Variants in OR1D2 observed in about 807,000 individuals in gnomAD.
OR1D2 encodes olfactory receptor family 1 subfamily D member 2, also known as olfactory receptor 1D2.
For synonymous variants in OR1D2, 157 were observed against 153.9 expected, an observed-to-expected ratio of 1.02 and a Z score of -0.15; for missense variants, 357 against 376.1, an observed-to-expected ratio of 0.95 and a Z score of 0.42.
intron 1 of OR1D2, among the ~76,000 whole-genome samples, chr17:3,094,318 G>C (rs1198230867): frequency 6.6e-6 from 1 of 152,040 alleles, no homozygotes; most frequent in Non-Finnish European, 1.5e-5. Flanking sequence ...AAATACTATA[G>C]TGTGCCTTTT....
In OR1D2 at chr17:3,093,579, G is replaced by A. The variant is rs1031931301; in HGVS notation, c.-50-533C>T. Among the ~76,000 whole-genome samples the A allele has an allele frequency of 1.2e-4, 19 of 152,102 alleles. 1 individual carries two copies. The highest frequency in any genetic ancestry group is 2.4e-5 in the African/African-American group (1 of 41,418). On this transcript the variant is annotated intron_variant, in intron 1 of 1. Coordinates refer to ENST00000641833, the MANE Select transcript of OR1D2 (RefSeq NM_002548.3). ...TCCTTAAGACTCAGTTTCTTCATGC[G>A]AATCATGAGTTATAGGGTGGGGGAA...
At position 3,092,664 on chromosome 17, in the gene OR1D2, G is replaced by A. The variant is rs1325605035; in HGVS notation, c.333C>T (p.Asp111=). ...ATGCCATCACAGCCAGGATGAGGTT[G>A]TCCAGGGCCACCAAGGAGACCAGGA... ...LYFLVSLVAL[D]NLILAVMAYD... is the part of the protein sequence containing the mutation. The change falls in exon 2 of 2, where the codon GAC becomes GAT. Residue 111 remains aspartate, a synonymous_variant. Transcript: ENST00000641833. 2 of 1,614,022 alleles carry A rather than the reference G, an allele frequency of 1.2e-6. No homozygotes were observed. The highest frequency in any genetic ancestry group is 1.3e-5 in the African/African-American group (1 of 74,900).
intron 1 of OR1D2, among the ~76,000 whole-genome samples, chr17:3,100,214 C>A (rs990487083): frequency 6.6e-6 from 1 of 152,130 alleles, no homozygotes; most frequent in Middle Eastern, 3.2e-3. Flanking sequence ...CTCTCCACCC[C>A]CAATCAACAA....
intron 1 of OR1D2, among the ~76,000 whole-genome samples, chr17:3,101,290 C>T (rs149296513): frequency 3.2e-4 from 48 of 152,154 alleles, no homozygotes; most frequent in African/African-American, 1.0e-3. Context: ...ACTGTCAAAC[C>T]GAATCCAATA....
At position 3,092,867 on chromosome 17, in the gene OR1D2, G is replaced by T; in HGVS notation, c.130C>A (p.Leu44Ile). The T allele has an allele frequency of 6.2e-7, 1 of 1,614,018 alleles. No individual in the cohort carries two copies. Among genetic ancestry groups the T allele is most frequent in the Non-Finnish European group, 8.5e-7 (1 of 1,180,018 alleles). The part of the protein sequence containing the change: ...MYLVTVVGNV[L>I]IILAISSDSR... Reference sequence around the variant, plus strand: ...TCAGAGCTGATGGCCAGGATGATGAGCACATTTCCCACCACCGTGACCAGG... The same window carrying T: ...TCAGAGCTGATGGCCAGGATGATGATCACATTTCCCACCACCGTGACCAGG... Residue 44 changes from leucine to isoleucine, a missense_variant, in exon 2 of 2, where the codon CTC (leucine) becomes ATC (isoleucine). Physicochemically the swap from Leu to Ile is conservative, Grantham distance 5 (BLOSUM62 2). Transcript: ENST00000641833.
Position 3,104,247 on chromosome 17 carries a change from A to G in OR1D2, c.-199T>C, listed in dbSNP as rs887016379. 1 of 152,196 alleles carries G rather than the reference A, an allele frequency of 6.6e-6. No homozygotes were observed. The highest frequency in any genetic ancestry group is 2.1e-4 in the South Asian group (1 of 4,830). 9.4% of individuals were successfully genotyped at this position (152,196 alleles called of 1,614,324 possible). On this transcript the variant is annotated 5_prime_UTR_variant, in exon 1 of 2. Coordinates refer to ENST00000641833, the MANE Select transcript of OR1D2 (RefSeq NM_002548.3). ...CTTGGAGACTCATCCTATTGGCTAA[A>G]GGTACAGAGCAGAGAACTTGTTGCC... is the stretch of plus-strand genomic sequence containing the variant.
chr17:3,094,372 A>C (rs143123361), intron 1 of OR1D2, among the ~76,000 whole-genome samples: 29 of 152,268 alleles, frequency 1.9e-4, no homozygotes, highest in Non-Finnish European at 3.5e-4. Flanking sequence ...ATGTTTAAAA[A>C]ATCAAAAAAG....
chr17:3,093,112 A>C, intron 1 of OR1D2, 66 bp from the exon 2 acceptor site: 1 of 936,864 alleles, frequency 1.1e-6, no homozygotes, highest in South Asian at 1.7e-5. Context: ...AATGTCTTAC[A>C]CCCAATTTTA....
At chr17:3,096,238 A>G (rs996651253) in intron 1 of OR1D2, among the ~76,000 whole-genome samples, 1 of 152,228 alleles carries the variant, frequency 6.6e-6, no homozygotes, top group African/African-American at 2.4e-5. Flanking sequence ...AACTATATCA[A>G]TCATAACATT....
In OR1D2 at chr17:3,092,025, T is replaced by C; in HGVS notation, c.*33A>G. ...TACATAGGGTGAAGGATATTCCTAG[T>C]CTCCACTTTAATGCTGTCTTTCCAA... On this transcript the variant is annotated 3_prime_UTR_variant, in exon 2 of 2. Transcript: ENST00000641833. 6.7e-7 allele frequency: 1 copy of C among 1,489,688 alleles called. No individual in the cohort carries two copies. Among genetic ancestry groups the C allele is most frequent in the Non-Finnish European group, 9.2e-7 (1 of 1,084,104 alleles). 92.3% of individuals were successfully genotyped at this position (1,489,688 alleles called of 1,614,324 possible).
At position 3,092,762 on chromosome 17, in the gene OR1D2, G is replaced by T. The variant is rs776698339; in HGVS notation, c.235C>A (p.Pro79Thr). 6.2e-7 allele frequency: 1 copy of T among 1,614,074 alleles called. No homozygotes were observed. The highest frequency in any genetic ancestry group is 8.5e-7 in the Non-Finnish European group (1 of 1,180,030). ...TDLFFVTNTIPKMLVNLQSHN... is the reference protein window; with the variant it reads ...TDLFFVTNTITKMLVNLQSHN... Reference sequence around the variant, plus strand: ...GACTGGAGGTTCACCAGCATCTTGGGGATTGTGTTGGTGACAAAGAAGAGG... The same window carrying T: ...GACTGGAGGTTCACCAGCATCTTGGTGATTGTGTTGGTGACAAAGAAGAGG... The change falls in exon 2 of 2, where the codon CCC becomes ACC. Residue 79 changes from proline (P) to threonine (T), a missense_variant. Physicochemically the swap from Pro to Thr is conservative, Grantham distance 38. Coordinates refer to ENST00000641833, the MANE Select transcript of OR1D2 (RefSeq NM_002548.3).
In OR1D2 at chr17:3,089,324, G is replaced by A. The variant is rs532318612; in HGVS notation, c.*2734C>T. The A allele has an allele frequency of 2.6e-5, 4 of 152,434 alleles. No individual in the cohort carries two copies. Among genetic ancestry groups the A allele is most frequent in the Admixed American group, 1.3e-4 (2 of 15,308 alleles). 9.4% of individuals were successfully genotyped at this position (152,434 alleles called of 1,614,324 possible). A position where few individuals can be genotyped will look rare whatever the true frequency, so the allele number is the denominator to read the frequency against. On this transcript the variant is annotated 3_prime_UTR_variant, in exon 2 of 2. Coordinates refer to ENST00000641833, the MANE Select transcript of OR1D2 (RefSeq NM_002548.3). ...GGGGGGTGTCTGTGAAGAGTCCTGT[G>A]ATGTGATCTGTCTTCAGTCCCTCAG... is the stretch of plus-strand genomic sequence containing the variant.
In OR1D2 at chr17:3,089,376, G is replaced by A. The variant is rs2047792837; in HGVS notation, c.*2682C>T. The A allele has an allele frequency of 6.6e-6, 1 of 152,354 alleles. No homozygotes were observed. Among genetic ancestry groups the A allele is most frequent in the Admixed American group, 6.5e-5 (1 of 15,284 alleles). The allele number at this position is 152,354 out of a possible 1,614,324, so 9.4% of individuals were successfully genotyped here. On this transcript the variant is annotated 3_prime_UTR_variant, in exon 2 of 2. Coordinates refer to ENST00000641833, the MANE Select transcript of OR1D2 (RefSeq NM_002548.3). ...CATGGATACCAGTGCCTGGTCCAGT[G>A]GAGGTAGCAGTGGAGTAAAGTGAAC...
At position 3,091,098 on chromosome 17, in the gene OR1D2, C is replaced by T. The variant is rs1024917553; in HGVS notation, c.*960G>A. ...GTTCAATATGGTGTTTTTTCTACTT[C>T]TGTGTACTACCAGGGTGCTATAAAC... is the stretch of plus-strand genomic sequence containing the variant. On this transcript the variant is annotated 3_prime_UTR_variant, in exon 2 of 2. Coordinates refer to ENST00000641833, the MANE Select transcript of OR1D2 (RefSeq NM_002548.3). 7.2e-5 allele frequency: 11 copies of T among 152,148 alleles called. No homozygotes were observed. The highest frequency in any genetic ancestry group is 2.7e-4 in the African/African-American group (11 of 41,420). The allele number at this position is 152,148 out of a possible 1,614,324, so 9.4% of individuals were successfully genotyped here.
Position 3,091,872 on chromosome 17 carries a change from C to G in OR1D2, c.*186G>C. On this transcript the variant is annotated 3_prime_UTR_variant, in exon 2 of 2. Coordinates refer to ENST00000641833, the MANE Select transcript of OR1D2 (RefSeq NM_002548.3). Reference sequence around the variant, plus strand: ...GGTGTTAGTGTGACCTTATTTACGGCCAAGGCTGATGAGACCTGGGGGACA... The same window carrying G: ...GGTGTTAGTGTGACCTTATTTACGGGCAAGGCTGATGAGACCTGGGGGACA... 1.8e-6 allele frequency: 1 copy of G among 553,028 alleles called. No homozygotes were observed. The highest frequency in any genetic ancestry group is 3.2e-5 in the Admixed American group (1 of 31,206). 34.3% of individuals were successfully genotyped at this position (553,028 alleles called of 1,614,324 possible). A position where few individuals can be genotyped will look rare whatever the true frequency, so the allele number is the denominator to read the frequency against.
chr17:3,092,061 T>A lies in OR1D2; in HGVS notation c.936A>T (p.Thr312=). The A allele has an allele frequency of 6.2e-7, 1 of 1,602,986 alleles. No individual in the cohort carries two copies. The highest frequency in any genetic ancestry group is 8.5e-7 in the Non-Finnish European group (1 of 1,174,690). The change falls in exon 2 of 2, where the codon ACA becomes ACT. Residue 312 remains threonine (T), a synonymous_variant. Transcript: ENST00000641833. ...ATGCTGTCTTTCCAAATTGCCCTCA[T>A]GTCAGCCTCTTAAAGTGTTTATCTA... ...RLLDKHFKRL[T]
rs757158187 is a variant in OR1D2, at chr17:3,093,008, T to A, written c.-12A>T. On this transcript the variant is annotated 5_prime_UTR_variant, in exon 2 of 2. Transcript: ENST00000641833. ...TTGCCTCCATCCATTTCCCCAACTC[T>A]CTTTTAACATTAACACCAGCAAATG... is the stretch of plus-strand genomic sequence containing the variant. 6.2e-7 allele frequency: 1 copy of A among 1,610,464 alleles called. No homozygotes were observed. Among genetic ancestry groups the A allele is most frequent in the Non-Finnish European group, 8.5e-7 (1 of 1,177,476 alleles).
Position 3,092,587 on chromosome 17 carries a change from C to G in OR1D2, c.410G>C (p.Ser137Thr), listed in dbSNP as rs1384089011. 1.9e-6 allele frequency: 3 copies of G among 1,613,980 alleles called. No homozygotes were observed. Among genetic ancestry groups the G allele is most frequent in the Non-Finnish European group, 8.5e-7 (1 of 1,180,034 alleles). The change falls in exon 2 of 2, where the codon AGC (serine) becomes ACC (threonine). Residue 137 changes from serine (S) to threonine (T), a missense_variant. Coordinates refer to ENST00000641833, the MANE Select transcript of OR1D2 (RefSeq NM_002548.3). ...CCPLHYTTAM[S>T]PKLCILLLSL... ...AAGGAGTAAGATACAGAGCTTAGGG[C>G]TCATGGCTGTGGTGTAGTGGAGGGG...
rs1043898326 is a variant in OR1D2, at chr17:3,089,541, C to T, written c.*2517G>A. On this transcript the variant is annotated 3_prime_UTR_variant, in exon 2 of 2. Coordinates refer to ENST00000641833, the MANE Select transcript of OR1D2 (RefSeq NM_002548.3). Reference sequence around the variant, plus strand: ...TAGCATAGGGGGGATACAAACTTGCCCTAAGGTGGCCTGGATAAGTATTCC... The same window carrying T: ...TAGCATAGGGGGGATACAAACTTGCTCTAAGGTGGCCTGGATAAGTATTCC... 2.0e-5 allele frequency: 3 copies of T among 152,236 alleles called. No individual in the cohort carries two copies. The highest frequency in any genetic ancestry group is 7.2e-5 in the African/African-American group (3 of 41,426). The allele number at this position is 152,236 out of a possible 1,614,324, so 9.4% of individuals were successfully genotyped here. A position where few individuals can be genotyped will look rare whatever the true frequency, so the allele number is the denominator to read the frequency against.
Sources: allele counts gnomAD v4.1 joint callset (sites outside exome capture counted in the v4.1 genomes callset), GRCh38; gene constraint gnomAD v4.1.1; transcripts MANE v1.5; gene names NCBI Gene and HGNC (gene_info 2026-07-23, HGNC 2026-07-21).